The following CRYBG3 variants were observed in gnomAD, a reference collection of about 807,000 sequenced individuals.
CRYBG3 encodes the protein crystallin beta-gamma domain containing 3.
A neutral mutation model predicts 244.2 loss-of-function variants in CRYBG3; 127 were observed. The ratio of observed to expected loss-of-function variants is 0.52; its 90% CI spans 0.45 to 0.60. CRYBG3 has a LOEUF of 0.60. Among genes scored for constraint, CRYBG3 ranks in the 20% least tolerant of loss-of-function variants. The pLI, the probability that CRYBG3 is intolerant of heterozygous loss-of-function variation, is 0.00. For missense variants in CRYBG3, 3,325 were observed against 3,442.5 expected (o/e 0.97, Z 0.85); for synonymous variants, 1,132 against 1,195.8 (o/e 0.95, Z 1.10).
Position 97,872,587 on chromosome 3 carries a change from G to A in CRYBG3, c.1393G>A (p.Glu465Lys). The A allele has an allele frequency of 6.5e-7, 1 of 1,535,958 alleles. No individual in the cohort carries two copies. The highest frequency in any genetic ancestry group is 8.7e-7 in the Non-Finnish European group (1 of 1,146,832). ...LPSPNKSIRH[E>K]HLQLPESECS... ...AAGTCCAAATAAATCAATTAGGCATGAACATCTGCAGTTGCCAGAGAGTGA... is the reference window on the plus strand; with the variant it reads ...AAGTCCAAATAAATCAATTAGGCATAAACATCTGCAGTTGCCAGAGAGTGA... Residue 465 changes from glutamate to lysine, a missense_variant, in exon 4 of 22, where the codon GAA becomes AAA. Physicochemically the swap from Glu to Lys is moderately conservative, Grantham distance 56. Coordinates refer to ENST00000389622, the MANE Select transcript of CRYBG3 (RefSeq NM_153605.4).
chr3:97,886,897 G>C (rs1391608440), intron 8 of CRYBG3, 130 bp downstream of exon 8: 1 of 714,028 alleles, frequency 1.4e-6, no homozygotes, highest in Non-Finnish European at 2.2e-6. Context: ...GACTGCAGGG[G>C]TTAAAAGATT....
chr3:97,895,928 T>G, intron 11 of CRYBG3, 31 bp from the exon 12 acceptor site: 1 of 1,600,480 alleles, frequency 6.2e-7, no homozygotes, highest in Non-Finnish European at 8.5e-7. Flanking sequence ...GTTTTATTAA[T>G]GGGTCATTTG....
At chr3:97,933,880 A>G (rs2040126880) in intron 18 of CRYBG3, 47 bp downstream of exon 18, 4 of 1,570,466 alleles carry the variant, frequency 2.5e-6, no homozygotes, top group Admixed American at 1.7e-5. Context: ...CTGTTTTAAG[A>G]CAGAGTTGCA....
intron 15 of CRYBG3, among the ~76,000 whole-genome samples, chr3:97,902,091 C>T (rs2039712502): frequency 2.0e-5 from 3 of 152,114 alleles, no homozygotes; most frequent in Admixed American, 1.3e-4. Context: ...TGGTTCCGTT[C>T]AATAACTAGA....
In CRYBG3 at chr3:97,872,706, A is replaced by G; in HGVS notation, c.1512A>G (p.Thr504=). ...TTCAGAGACATGCTGTGACAGACACAGAATTTGTAAATGAAGGAAAGAGAT... is the reference window on the plus strand; with the variant it reads ...TTCAGAGACATGCTGTGACAGACACGGAATTTGTAAATGAAGGAAAGAGAT... The part of the protein sequence containing the change: ...IALQRHAVTD[T]EFVNEGKRLS... The change falls in exon 4 of 22, where the codon ACA becomes ACG. Residue 504 remains threonine (T), a synonymous_variant. Coordinates refer to ENST00000389622, the MANE Select transcript of CRYBG3 (RefSeq NM_153605.4). 1.3e-6 allele frequency: 2 copies of G among 1,536,032 alleles called. No homozygotes were observed. The highest frequency in any genetic ancestry group is 1.7e-6 in the Non-Finnish European group (2 of 1,146,826).
In CRYBG3 at chr3:97,880,014, A is replaced by T. The variant is rs1407986557; in HGVS notation, c.6918A>T (p.Thr2306=). 2 of 1,586,818 alleles carry T rather than the reference A, an allele frequency of 1.3e-6. No homozygotes were observed. The highest frequency in any genetic ancestry group is 1.7e-6 in the Non-Finnish European group (2 of 1,158,606). Reference sequence around the variant, plus strand: ...TTATCTATGATCTCCATGAAAGTACATATAAACAAGAAGTCTACTGTAATA... The same window carrying T: ...TTATCTATGATCTCCATGAAAGTACTTATAAACAAGAAGTCTACTGTAATA... The part of the protein sequence containing the change: ...KMVIYDLHES[T]YKQEVYCNIP... Residue 2306 remains threonine (T), a synonymous_variant, in exon 6 of 22, where the codon ACA becomes ACT. Coordinates refer to ENST00000389622, the MANE Select transcript of CRYBG3 (RefSeq NM_153605.4).
chr3:97,824,930 TA>T (rs2038558890), intron 1 of CRYBG3, among the ~76,000 whole-genome samples: 2 of 152,196 alleles, frequency 1.3e-5, no homozygotes, highest in South Asian at 4.1e-4. Context: ...TTAGAAGTGA[TA>T]GGGGAGACCA....
chr3:97,884,814 A>C (rs977432968), intron 7 of CRYBG3, among the ~76,000 whole-genome samples: 2 of 151,948 alleles, frequency 1.3e-5, no homozygotes, highest in East Asian at 3.9e-4. Flanking sequence ...ATGCCTTCTC[A>C]TTTTTGTTTA....
In CRYBG3 at chr3:97,922,151, G is replaced by A. The variant is rs189191669; in HGVS notation, c.8241+6415G>A. ...AATCCAGCCTCAGAATGAAAGGAAG[G>A]AATGAGTTTATAAAGTGTAGAAGAC... On this transcript the variant is annotated intron_variant, in intron 17 of 21. Coordinates refer to ENST00000389622, the MANE Select transcript of CRYBG3 (RefSeq NM_153605.4). 3.3e-3 allele frequency among the ~76,000 whole-genome samples: 505 copies of A among 152,256 alleles called. 2 individuals are homozygous for A. The highest frequency in any genetic ancestry group is 5.2e-3 in the Non-Finnish European group (354 of 68,016).
chr3:97,824,880 G>A (rs2038558130), intron 1 of CRYBG3, among the ~76,000 whole-genome samples: 1 of 152,186 alleles, frequency 6.6e-6, no homozygotes, highest in South Asian at 2.1e-4. Flanking sequence ...CACTGGTGCA[G>A]TGTTAAGCCC....
chr3:97,853,449 T>C (rs1052719757), intron 2 of CRYBG3, among the ~76,000 whole-genome samples: 1 of 151,164 alleles, frequency 6.6e-6, no homozygotes, highest in African/African-American at 2.4e-5. Flanking sequence ...GTTTTCTTTA[T>C]CCACTCGGTT....
At chr3:97,903,124 A>G (rs2039724090) in intron 15 of CRYBG3, among the ~76,000 whole-genome samples, 3 of 152,168 alleles carry the variant, frequency 2.0e-5, no homozygotes, top group East Asian at 1.9e-4. Flanking sequence ...CCCCTGTTCC[A>G]TTTTATGCAT....
At chr3:97,864,171 A>G (rs1391438079) in intron 2 of CRYBG3, 46 bp from the exon 3 acceptor site, 20 of 1,371,446 alleles carry the variant, frequency 1.5e-5, no homozygotes, top group Admixed American at 2.8e-5. Flanking sequence ...AGTCTGTTTC[A>G]TTATTTAAAT....
At chr3:97,847,726 T>C (rs923002736) in intron 2 of CRYBG3, among the ~76,000 whole-genome samples, 3 of 152,226 alleles carry the variant, frequency 2.0e-5, no homozygotes, top group Non-Finnish European at 2.9e-5. Context: ...ATCTGCCTTA[T>C]ATGAAATCTA....
chr3:97,881,911 A>T (rs1038289052), intron 7 of CRYBG3, among the ~76,000 whole-genome samples: 24 of 151,620 alleles, frequency 1.6e-4, no homozygotes, highest in African/African-American at 5.8e-4. Context: ...CTAGTAATAT[A>T]TAATAGTATA....
At chr3:97,845,578 A>C (rs1576516826) in intron 2 of CRYBG3, among the ~76,000 whole-genome samples, 1 of 152,316 alleles carries the variant, frequency 6.6e-6, no homozygotes, top group South Asian at 2.1e-4. Flanking sequence ...CTCTTGCTTC[A>C]TTCACATCTA....
chr3:97,918,261 T>C (rs1453731874), intron 17 of CRYBG3, among the ~76,000 whole-genome samples: 1 of 152,156 alleles, frequency 6.6e-6, no homozygotes, highest in Admixed American at 6.5e-5. Context: ...AGAAGATAAG[T>C]ATATTTTGAA....
chr3:97,853,105 C>T (rs2039011661), intron 2 of CRYBG3, among the ~76,000 whole-genome samples: 2 of 152,018 alleles, frequency 1.3e-5, no homozygotes, highest in African/African-American at 2.4e-5. Flanking sequence ...TTGGTATACC[C>T]ATCACCCAAG....
intron 1 of CRYBG3, 141 bp downstream of exon 1, chr3:97,822,496 T>C: frequency 3.9e-6 from 3 of 769,242 alleles, no homozygotes; most frequent in Non-Finnish European, 5.8e-6. Context: ...CCTCCATTGC[T>C]AAAGTTTCCT....
Sources: allele counts gnomAD v4.1 joint callset (sites outside exome capture counted in the v4.1 genomes callset), GRCh38; gene constraint gnomAD v4.1.1; transcripts MANE v1.5; gene names NCBI Gene and HGNC (gene_info 2026-07-23, HGNC 2026-07-21).